UNC5A: variants seen among roughly 807,000 people sequenced by gnomAD.
UNC5A encodes unc-5 netrin receptor A, also known as netrin receptor UNC5A.
UNC5A carries 20 observed loss-of-function variants against 87.4 expected under a neutral mutation model. The ratio of observed to expected loss-of-function variants is 0.23; its 90% confidence interval spans 0.16 to 0.33. The LOEUF (loss-of-function observed/expected upper bound fraction) is 0.33, where lower values mean the gene tolerates loss of function less well. UNC5A is among the 10% of genes least tolerant of loss of function. The pLI, the probability that UNC5A is intolerant of heterozygous loss-of-function variation, is 1.00. For synonymous variants in UNC5A, 438 were observed against 482.3 expected (o/e 0.91, Z 1.20); for missense variants, 844 against 1,133.4 (o/e 0.74, Z 3.67).
Position 176,877,210 on chromosome 5 carries a change from C to T in UNC5A, c.1397C>T (p.Pro466Leu). 2 of 1,612,792 alleles carry T rather than the reference C, an allele frequency of 1.2e-6. No individual in the cohort carries two copies. The highest frequency in any genetic ancestry group is 1.7e-6 in the Non-Finnish European group (2 of 1,179,606). Residue 466 changes from proline to leucine, a missense_variant, in exon 9 of 15, where the codon CCC (proline) becomes CTC (leucine). By Grantham distance (98) the Pro-to-Leu change is moderately conservative. Transcript: ENST00000329542. ...GTTCCAGGAATCAGCCTCCTCATCC[C>T]CCCAGATGCCATACCCCGAGGGAAG... ...IPNTGISLLIPPDAIPRGKIY... is the reference protein window; with the variant it reads ...IPNTGISLLILPDAIPRGKIY...
chr5:176,870,606 G>T, intron 6 of UNC5A, 72 bp downstream of exon 6: 1 of 1,475,206 alleles, frequency 6.8e-7, no homozygotes. Context: ...GGGAGGTGGG[G>T]GCTGAGGGAG....
intron 2 of UNC5A, among the ~76,000 whole-genome samples, chr5:176,863,548 G>A (rs1027620478): frequency 4.6e-5 from 7 of 152,062 alleles, no homozygotes; most frequent in Admixed American, 2.6e-4. Context: ...TAGGGGCAGC[G>A]AGCAGACCCA....
intron 1 of UNC5A, among the ~76,000 whole-genome samples, chr5:176,860,108 A>C (rs926324762): frequency 6.6e-6 from 1 of 152,052 alleles, no homozygotes; most frequent in East Asian, 1.9e-4. Flanking sequence ...CCAGCCAGGG[A>C]CCCCTGCCCA....
intron 1 of UNC5A, among the ~76,000 whole-genome samples, chr5:176,858,013 C>A (rs1359026722): frequency 6.6e-6 from 1 of 152,224 alleles, no homozygotes; most frequent in Non-Finnish European, 1.5e-5. Flanking sequence ...CCACTGCAAC[C>A]AAGGTGTGTC....
At chr5:176,877,051 C>A in intron 8 of UNC5A, 141 bp from the exon 9 acceptor site, 1 of 661,090 alleles carries the variant, frequency 1.5e-6, no homozygotes, top group Non-Finnish European at 2.6e-6. Context: ...TTGGTCAGCA[C>A]GGCAGTCTTT....
At position 176,878,073 on chromosome 5, in the gene UNC5A, C is replaced by T; in HGVS notation, c.1815C>T (p.Ser605=). ...TGTTTGCGCCGGTGGCCTGCACCTC[C>T]CTCGAGTACAACATCCGGGTCTACT... The part of the protein sequence containing the change: ...LLLFAPVACT[S]LEYNIRVYCL... Residue 605 remains serine (S), a synonymous_variant, in exon 11 of 15, where the codon TCC becomes TCT. Transcript: ENST00000329542. The T allele has an allele frequency of 6.2e-7, 1 of 1,610,004 alleles. No homozygotes were observed. Among genetic ancestry groups the T allele is most frequent in the Non-Finnish European group, 8.5e-7 (1 of 1,179,942 alleles).
Position 176,848,380 on chromosome 5 carries a change from C to G in UNC5A, c.71-14244C>G, listed in dbSNP as rs868279500. The stretch of plus-strand genomic sequence containing the variant: ...CTGCATAGTGACACTGAGGCCACCC[C>G]TCTCTTTCCTCCATGTTCCTCCAAG... On this transcript the variant is annotated intron_variant, in intron 1 of 14. Coordinates refer to ENST00000329542, the MANE Select transcript of UNC5A (RefSeq NM_133369.3). The surrounding 1 kb of genome is among the most constrained non-coding windows in gnomAD (Gnocchi z 5.8). 1.3e-5 allele frequency among the ~76,000 whole-genome samples: 2 copies of G among 152,166 alleles called. No individual in the cohort carries two copies. Among genetic ancestry groups the G allele is most frequent in the African/African-American group, 2.4e-5 (1 of 41,426 alleles).
chr5:176,828,095 C>T (rs1400631161), intron 1 of UNC5A, among the ~76,000 whole-genome samples: 2 of 152,140 alleles, frequency 1.3e-5, no homozygotes, highest in African/African-American at 2.4e-5. Flanking sequence ...CCACACCCAC[C>T]CCCAGCCAGG....
intron 2 of UNC5A, among the ~76,000 whole-genome samples, chr5:176,864,383 CACTGTAGGA>C (rs1329313581): frequency 1.3e-5 from 2 of 152,200 alleles, no homozygotes; most frequent in Non-Finnish European, 2.9e-5. Context: ...GTCGCACTTG[CACTGTAGGA>C]AGACCGTGCT....
intron 1 of UNC5A, among the ~76,000 whole-genome samples, chr5:176,857,794 G>A (rs981598609): frequency 1.3e-5 from 2 of 152,294 alleles, no homozygotes; most frequent in African/African-American, 2.4e-5. Flanking sequence ...GTGACCAAGC[G>A]CCCGTCAGGA....
intron 1 of UNC5A, among the ~76,000 whole-genome samples, chr5:176,835,969 T>C (rs1476295869): frequency 6.6e-6 from 1 of 152,240 alleles, no homozygotes; most frequent in Non-Finnish European, 1.5e-5. Flanking sequence ...AGCTAATCTT[T>C]TTTAACATTT....
At chr5:176,814,023 C>A (rs928629536) in intron 1 of UNC5A, among the ~76,000 whole-genome samples, 2 of 152,222 alleles carry the variant, frequency 1.3e-5, no homozygotes, top group African/African-American at 4.8e-5. Flanking sequence ...TCCCTTCTCT[C>A]TCACGCTTCA....
In UNC5A at chr5:176,868,606, C is replaced by T. The variant is rs766533230; in HGVS notation, c.482C>T (p.Ser161Phe). Residue 161 changes from serine (S) to phenylalanine (F), a missense_variant, in exon 4 of 15, where the codon TCC (serine) becomes TTC (phenylalanine). This residue lies in a region of UNC5A where 314 missense variants were observed against 466.5 expected (regional missense o/e 0.67). Coordinates refer to ENST00000329542, the MANE Select transcript of UNC5A (RefSeq NM_133369.3). ...FEQEPLAKEV[S>F]LEQGIVLPCR... is the part of the protein sequence containing the mutation. The stretch of plus-strand genomic sequence containing the variant: ...CAGGAGCCGCTGGCCAAGGAGGTGT[C>T]CCTGGAGCAGGGCATCGTGCTGCCC... 3 of 1,607,400 alleles carry T rather than the reference C, an allele frequency of 1.9e-6. No homozygotes were observed. The highest frequency in any genetic ancestry group is 2.5e-6 in the Non-Finnish European group (3 of 1,177,614).
intron 2 of UNC5A, among the ~76,000 whole-genome samples, chr5:176,867,556 C>G (rs549584515): frequency 6.6e-6 from 1 of 152,218 alleles, no homozygotes; most frequent in Non-Finnish European, 1.5e-5. Context: ...TGGATTAAGA[C>G]GACATCCCCA....
In UNC5A at chr5:176,824,849, C is replaced by A. The variant is rs1756814889; in HGVS notation, c.70+14029C>A. Among the ~76,000 whole-genome samples the A allele has an allele frequency of 6.6e-6, 1 of 151,014 alleles. No homozygotes were observed. The highest frequency in any genetic ancestry group is 2.1e-4 in the South Asian group (1 of 4,762). ...CTCTGTCCCAGGCACTCTCACCACT[C>A]CGTATCCCCCACCCCATGCACCCCC... is the stretch of plus-strand genomic sequence containing the variant. On this transcript the variant is annotated intron_variant, in intron 1 of 14. Coordinates refer to ENST00000329542, the MANE Select transcript of UNC5A (RefSeq NM_133369.3). The surrounding 1 kb of genome is among the most constrained non-coding windows in gnomAD (Gnocchi z 4.2).
In UNC5A at chr5:176,843,172, A is replaced by AAAAG. The variant is rs201596079; in HGVS notation, c.71-19432_71-19429dup. The stretch of plus-strand genomic sequence containing the variant: ...GTGAAACTCTGTCTCAAAAAAAAAA[A>AAAAG]AAAGAAAGAAAGAAAGAAAGAAAAA... On this transcript the variant is annotated intron_variant, in intron 1 of 14. Coordinates refer to ENST00000329542, the MANE Select transcript of UNC5A (RefSeq NM_133369.3). Among the ~76,000 whole-genome samples the AAAAG allele has an allele frequency of 6.1e-3, 898 of 148,244 alleles. 4 individuals carry two copies. The highest frequency in any genetic ancestry group is 0.017 in the African/African-American group (667 of 39,272).
chr5:176,822,722 C>G (rs1756756842), intron 1 of UNC5A, among the ~76,000 whole-genome samples: 1 of 152,232 alleles, frequency 6.6e-6, no homozygotes, highest in Non-Finnish European at 1.5e-5. Flanking sequence ...CCCCAGAGTT[C>G]TGGGAACCCT....
intron 1 of UNC5A, among the ~76,000 whole-genome samples, chr5:176,833,538 C>T (rs1581250692): frequency 2.6e-5 from 4 of 152,136 alleles, no homozygotes; most frequent in East Asian, 1.9e-4. Context: ...ATCCAGTCCA[C>T]GCCAGCCCAC....
chr5:176,823,835 G>A (rs521389), intron 1 of UNC5A, among the ~76,000 whole-genome samples: 116,870 of 152,126 alleles, frequency 0.77, 50,510 homozygotes, highest in Non-Finnish European at 0.95. Flanking sequence ...TTGAGAACTG[G>A]GCTTTCTGGA....
Sources: gnomAD v4.1 joint callset for allele counts (sites outside exome capture counted in the v4.1 genomes callset) on GRCh38, gnomAD v4.1.1 for gene constraint, gnomAD v4.1.1 regional missense constraint, Gnocchi (gnomAD v3.1) non-coding constraint, MANE v1.5 for transcripts, NCBI Gene and HGNC (gene_info 2026-07-23, HGNC 2026-07-21) for gene names.